Variants in SH2D2A observed in about 807,000 individuals in gnomAD.
SH2D2A encodes SH2 domain containing 2A.
In SH2D2A, 33 loss-of-function variants were observed where a neutral mutation model predicts 43.6. That is an observed-to-expected ratio of 0.76 (90% CI 0.57 to 1.01). The LOEUF (loss-of-function observed/expected upper bound fraction) is 1.01. Ranked by LOEUF, SH2D2A falls within the 50% of genes least tolerant of loss-of-function variation. SH2D2A has a pLI of 0.00. For synonymous variants in SH2D2A, 212 were observed against 206.1 expected, an observed-to-expected ratio of 1.03 and a Z score of -0.25; for missense variants, 491 against 503.1, an observed-to-expected ratio of 0.98 and a Z score of 0.23.
Position 156,809,348 on chromosome 1 carries a change from G to C in SH2D2A, c.857C>G (p.Pro286Arg). ...CCGGCCCATGGCATAGAAAGCTATG[G>C]GTTCATCAGGCTCATTGTAGATAGG... ...SNPIYNEPDE[P>R]IAFYAMGRGS... The change falls in exon 7 of 9, where the codon CCC becomes CGC. Residue 286 changes from proline (P) to arginine (R), a missense_variant. Transcript: ENST00000368199. This position sits in a 1 kb window ranked among gnomAD's most constrained non-coding sequence, Gnocchi z 4.8. 1 of 1,614,168 alleles carries C rather than the reference G, an allele frequency of 6.2e-7. No individual in the cohort carries two copies. The highest frequency in any genetic ancestry group is 8.5e-7 in the Non-Finnish European group (1 of 1,180,014).
At chr1:156,811,268 C>T (rs1653398163) in intron 5 of SH2D2A, among the ~76,000 whole-genome samples, 1 of 152,212 alleles carries the variant, frequency 6.6e-6, no homozygotes, top group Non-Finnish European at 1.5e-5. Flanking sequence ...ATGCACATGG[C>T]CAGCACCCTA....
chr1:156,813,470 C>T (rs1484778618), intron 5 of SH2D2A, among the ~76,000 whole-genome samples: 6 of 152,134 alleles, frequency 3.9e-5, no homozygotes, highest in South Asian at 2.1e-4. Context: ...CACTTGAACC[C>T]GGGAGGTGGA....
Position 156,815,174 on chromosome 1 carries a change from C to G in SH2D2A, c.171G>C (p.Glu57Asp), listed in dbSNP as rs201826177. The G allele has an allele frequency of 1.3e-6, 2 of 1,599,574 alleles. No individual in the cohort carries two copies. Among genetic ancestry groups the G allele is most frequent in the East Asian group, 2.3e-5 (1 of 44,200 alleles). ...PEAASNTGNA[E>D]RAEEVPGEGS... ...CTTCTCCAGGCACCTCCTCTGCCCT[C>G]TCAGCATTCCCTGTGTTGGAGGCAG... is the stretch of plus-strand genomic sequence containing the variant. The change falls in exon 3 of 9, where the codon GAG becomes GAC. Residue 57 changes from glutamate to aspartate, a missense_variant. Transcript: ENST00000368199.
chr1:156,809,850 G>T lies in SH2D2A; in HGVS notation c.568-43C>A. The T allele has an allele frequency of 6.2e-7, 1 of 1,607,238 alleles. No homozygotes were observed. Among genetic ancestry groups the T allele is most frequent in the Non-Finnish European group, 8.5e-7 (1 of 1,177,208 alleles). On this transcript the variant is annotated intron_variant, in intron 5 of 8. Coordinates refer to ENST00000368199, the MANE Select transcript of SH2D2A (RefSeq NM_003975.4). The surrounding 1 kb of genome is among the most constrained non-coding windows in gnomAD (Gnocchi z 4.8). ...GGTCTGAGGCACTCGGTGGAGCGTT[G>T]GGGTGGGGGAGGTGATCAGGAGGAC...
chr1:156,814,864 A>ATGCCTCAGTGAAT (rs1653740379), intron 3 of SH2D2A, 173 bp downstream of exon 3: 1 of 510,816 alleles, frequency 2.0e-6, no homozygotes, highest in Non-Finnish European at 3.4e-6. Context: ...CCCTGGAGAG[A>ATGCCTCAGTGAAT]TGCCTCAGTG....
At chr1:156,815,919 C>G in intron 2 of SH2D2A, 87 bp downstream of exon 2, 1 of 1,610,624 alleles carries the variant, frequency 6.2e-7, no homozygotes, top group South Asian at 1.1e-5. Context: ...CTTGGAGTGG[C>G]CTTTGTCCAT....
chr1:156,813,597 C>T (rs1653575779), intron 5 of SH2D2A, among the ~76,000 whole-genome samples: 1 of 152,194 alleles, frequency 6.6e-6, no homozygotes, highest in South Asian at 2.1e-4. Flanking sequence ...TCTGTGTGCC[C>T]CTGGCCTCTC....
At chr1:156,815,543 C>A in intron 2 of SH2D2A, 1 of 606,906 alleles carries the variant, frequency 1.6e-6, no homozygotes, top group Non-Finnish European at 2.9e-6. Flanking sequence ...ATTCCCTGGC[C>A]TGGAGGATGA....
chr1:156,807,151 T>C lies in SH2D2A; in HGVS notation c.*3+24A>G, dbSNP rs753230937. On this transcript the variant is annotated intron_variant, in intron 8 of 8. Transcript: ENST00000368199. This position sits in a 1 kb window ranked among gnomAD's most constrained non-coding sequence, Gnocchi z 5.1. Reference sequence around the variant, plus strand: ...GGTCTCTGGACCTGATGCTCCAAGTTATCCTCACCAAGCTCAGACTTACCG... The same window carrying C: ...GGTCTCTGGACCTGATGCTCCAAGTCATCCTCACCAAGCTCAGACTTACCG... 1.2e-5 allele frequency: 20 copies of C among 1,609,458 alleles called. No individual in the cohort carries two copies. The South Asian group carries it at 1.8e-4, about 14-fold the overall frequency.
chr1:156,815,695 G>C, intron 2 of SH2D2A: 2 of 991,954 alleles, frequency 2.0e-6, no homozygotes, highest in Non-Finnish European at 3.2e-6. Flanking sequence ...GAATGCACTG[G>C]GCAAATGGTC....
At chr1:156,810,999 A>G (rs1054980227) in intron 5 of SH2D2A, among the ~76,000 whole-genome samples, 2 of 152,164 alleles carry the variant, frequency 1.3e-5, no homozygotes, top group Non-Finnish European at 2.9e-5. Context: ...TGCTCCTGCA[A>G]TCCACCAAGT....
chr1:156,815,708 T>C, intron 2 of SH2D2A: 1 of 1,107,716 alleles, frequency 9.0e-7, no homozygotes, highest in Non-Finnish European at 1.4e-6. Context: ...AAATGGTCAC[T>C]GACACAGAGT....
chr1:156,806,805 CTA>C (rs778310208), intron 8 of SH2D2A, among the ~76,000 whole-genome samples: 5 of 152,356 alleles, frequency 3.3e-5, no homozygotes, highest in Admixed American at 2.6e-4. Flanking sequence ...CCCTCTCAGG[CTA>C]TGTTTTCTTC....
rs535270195 is a variant in SH2D2A at position 156,812,263 on chromosome 1, T to C, written c.567+1585A>G. Among the ~76,000 whole-genome samples the C allele has an allele frequency of 6.6e-5, 10 of 152,246 alleles. 2 individuals carry two copies. In the South Asian group the frequency reaches 2.1e-3, roughly 32 times the overall value. ...TCCTCCCGAAACTTGCCAGGCCATG[T>C]CACCCCTCAGCTTGTAAGTCTCCAG... is the stretch of plus-strand genomic sequence containing the variant. On this transcript the variant is annotated intron_variant, in intron 5 of 8. Transcript: ENST00000368199.
At chr1:156,806,984 G>A (rs1653012594) in intron 8 of SH2D2A, among the ~76,000 whole-genome samples, 191 bp downstream of exon 8, 2 of 152,202 alleles carry the variant, frequency 1.3e-5, no homozygotes, top group Admixed American at 1.3e-4. Context: ...AGGCAGCCAC[G>A]ACCAATGGAT....
chr1:156,816,656 C>A lies in SH2D2A; in HGVS notation c.34+19G>T. On this transcript the variant is annotated intron_variant, in intron 1 of 8. Coordinates refer to ENST00000368199, the MANE Select transcript of SH2D2A (RefSeq NM_003975.4). The stretch of plus-strand genomic sequence containing the variant: ...TCTTTGTGCCCCCTCCCACCCATAT[C>A]CTTCAACTTCACACTTACCTTGGGG... 1 of 1,600,622 alleles carries A rather than the reference C, an allele frequency of 6.2e-7. No individual in the cohort carries two copies.
rs146718843 is a variant in SH2D2A at position 156,816,008 on chromosome 1, C to A, written c.121G>T (p.Ala41Ser). ...TGCCGCCCCAGGTTTCCACTCACCG[C>A]AGTGTAGCCCAGGTTCTGGCAGCTC... Reference protein sequence around the residue: ...RRSCQNLGYTAASPQAPEAAS... With the variant: ...RRSCQNLGYTSASPQAPEAAS... The change falls in exon 2 of 9, where the codon GCG becomes TCG. Residue 41 changes from alanine (A) to serine (S), a missense_variant and splice_region_variant. Coordinates refer to ENST00000368199, the MANE Select transcript of SH2D2A (RefSeq NM_003975.4). The A allele has an allele frequency of 1.8e-4, 285 of 1,613,708 alleles. No homozygotes were observed. The African/African-American group carries it at 3.4e-3, about 19-fold the overall frequency.
In SH2D2A at chr1:156,807,336, C is replaced by G; in HGVS notation, c.1012G>C (p.Gly338Arg). ...RPVPGGQNTG[G>R]SQLHSENSVI... ...GAGTTCTCAGAATGCAGCTGGGAGCCACCTGTATTCTGCAGAGAGAAGGAC... is the reference window on the plus strand; with the variant it reads ...GAGTTCTCAGAATGCAGCTGGGAGCGACCTGTATTCTGCAGAGAGAAGGAC... Residue 338 changes from glycine to arginine, a missense_variant, in exon 8 of 9, where the codon GGC becomes CGC. Gly to Arg is a moderately radical substitution (Grantham distance 125). Transcript: ENST00000368199. The surrounding 1 kb of genome is among the most constrained non-coding windows in gnomAD (Gnocchi z 5.1). 6.4e-7 allele frequency: 1 copy of G among 1,557,360 alleles called. No individual in the cohort carries two copies. The highest frequency in any genetic ancestry group is 1.2e-5 in the South Asian group (1 of 84,046).
chr1:156,815,143 G>C lies in SH2D2A; in HGVS notation c.202C>G (p.Leu68Val). The C allele has an allele frequency of 1.2e-6, 2 of 1,608,476 alleles. No individual in the cohort carries two copies. The highest frequency in any genetic ancestry group is 1.7e-6 in the Non-Finnish European group (2 of 1,177,676). Residue 68 changes from leucine (L) to valine (V), a missense_variant, in exon 3 of 9, where the codon CTG (leucine) becomes GTG (valine). Transcript: ENST00000368199. ...RAEEVPGEGS[L>V]FLQAETRAWF... ...GCCCGGGTCTCGGCCTGCAGGAACA[G>C]GCTTCCTTCTCCAGGCACCTCCTCT...
Sources: allele counts gnomAD v4.1 joint callset (sites outside exome capture counted in the v4.1 genomes callset), GRCh38; gene constraint gnomAD v4.1.1; non-coding constraint Gnocchi (gnomAD v3.1); transcripts MANE v1.5; gene names NCBI Gene and HGNC (gene_info 2026-07-23, HGNC 2026-07-21).